KNTC1: variants seen among roughly 807,000 people sequenced by gnomAD.
KNTC1 encodes kinetochore associated 1.
KNTC1 carries 253 observed loss-of-function variants against 314.4 expected under a neutral mutation model. The ratio of observed to expected loss-of-function variants is 0.80; its 90% confidence interval spans 0.73 to 0.89. The LOEUF is 0.89. Ranked by LOEUF, KNTC1 falls within the 40% of genes least tolerant of loss-of-function variation. The probability of loss-of-function intolerance (pLI) is 0.00; values close to 1 mark genes in which losing one functional copy is unlikely to be tolerated. For missense variants in KNTC1, 2,475 were observed against 2,572.9 expected (o/e 0.96, Z 0.82); for synonymous variants, 901 against 901.4 (o/e 1.00, Z 0.01).
intron 38 of KNTC1, 66 bp downstream of exon 38, chr12:122,586,823 A>T (rs1417527417): frequency 6.1e-5 from 34 of 553,408 alleles, no homozygotes; most frequent in Admixed American, 4.0e-4. Flanking sequence ...TATTTATTTT[A>T]TTTTTTTGAG....
Position 122,614,186 on chromosome 12 carries a change from C to T in KNTC1, c.5877+425C>T, listed in dbSNP as rs528521384. Reference sequence around the variant, plus strand: ...ACTGCTCTGAGACCTTTCTACTCTCCTGTCACAGCGTGTGGATGGATAAGG... The same window carrying T: ...ACTGCTCTGAGACCTTTCTACTCTCTTGTCACAGCGTGTGGATGGATAAGG... On this transcript the variant is annotated intron_variant, in intron 55 of 63. Coordinates refer to ENST00000333479, the MANE Select transcript of KNTC1 (RefSeq NM_014708.6). Among the ~76,000 whole-genome samples the T allele has an allele frequency of 3.3e-5, 5 of 152,172 alleles. No homozygotes were observed. In the South Asian group the frequency reaches 8.3e-4, roughly 25 times the overall value.
Position 122,615,526 on chromosome 12 carries a change from G to A in KNTC1, c.6030G>A (p.Gln2010=), listed in dbSNP as rs1873676158. ...KAISSIHSLW[Q]VPYFSKAWQR... ...TCTCCAGTATCCATTCTTTATGGCA[G>A]GTATGTAGTTTTTTAAAATAAATTT... Residue 2010 remains glutamine (Q), a splice_region_variant and synonymous_variant, in exon 57 of 64, where the codon CAG becomes CAA. Transcript: ENST00000333479. The A allele has an allele frequency of 1.3e-6, 2 of 1,520,888 alleles. No individual in the cohort carries two copies. The highest frequency in any genetic ancestry group is 2.5e-5 in the South Asian group (2 of 80,500). The allele number at this position is 1,520,888 out of a possible 1,614,324, so 94.2% of individuals were successfully genotyped here. A position where few individuals can be genotyped will look rare whatever the true frequency, so the allele number is the denominator to read the frequency against.
intron 38 of KNTC1, among the ~76,000 whole-genome samples, chr12:122,587,261 A>G (rs1190105619): frequency 6.6e-6 from 1 of 152,262 alleles, no homozygotes; most frequent in African/African-American, 2.4e-5. Flanking sequence ...CCTGGGCAAC[A>G]GAAGACCCTA....
Position 122,567,096 on chromosome 12 carries a change from GAC to G in KNTC1, c.1605-1163_1605-1162del, listed in dbSNP as rs1565963996. Among the ~76,000 whole-genome samples, 6 of 150,604 alleles carry G rather than the reference GAC, an allele frequency of 4.0e-5. 1 individual carries two copies. In the South Asian group the frequency reaches 1.3e-3, roughly 32 times the overall value. The stretch of plus-strand genomic sequence containing the variant: ...AAAAAAAACTTTTTTTTTTATTTGA[GAC>G]AGTTTTGTTCTGTTGCCCAGGCTGG... On this transcript the variant is annotated intron_variant, in intron 20 of 63. Transcript: ENST00000333479.
At chr12:122,586,441 T>C (rs1869311550) in intron 37 of KNTC1, among the ~76,000 whole-genome samples, 1 of 152,264 alleles carries the variant, frequency 6.6e-6, no homozygotes, top group Non-Finnish European at 1.5e-5. Flanking sequence ...TATCAGGTTA[T>C]ACACTTACCT....
rs186456832 is a variant in KNTC1, at chr12:122,573,866, G to T, written c.2284-416G>T. Among the ~76,000 whole-genome samples the T allele has an allele frequency of 2.5e-3, 378 of 152,286 alleles. 13 individuals carry two copies. Among genetic ancestry groups the T allele is most frequent in the Admixed American group, 0.022 (337 of 15,290 alleles). ...CTTTGATAGAATGGGAGGCAAGTTT[G>T]CCCTAAGCAATTTCCAGCCTGAGTT... On this transcript the variant is annotated intron_variant, in intron 26 of 63. Transcript: ENST00000333479.
chr12:122,594,048 T>G (rs573950881), intron 42 of KNTC1: 1 of 480,768 alleles, frequency 2.1e-6, no homozygotes, highest in East Asian at 3.3e-5. Context: ...AATCAAACTT[T>G]TCAGATGAAG....
Position 122,586,717 on chromosome 12 carries a change from C to A in KNTC1, c.3690C>A (p.Pro1230=). The A allele has an allele frequency of 6.7e-7, 1 of 1,494,874 alleles. No homozygotes were observed. The highest frequency in any genetic ancestry group is 9.0e-7 in the Non-Finnish European group (1 of 1,110,838). 92.6% of individuals were successfully genotyped at this position (1,494,874 alleles called of 1,614,324 possible). A position where few individuals can be genotyped will look rare whatever the true frequency, so the allele number is the denominator to read the frequency against. ...CTTTTGTAGAAAGCAAGAGATATCC[C>A]TTGGAGTCTACCAGTTTGCCATACT... ...LVPLAESKRY[P]LESTSLPYCS... The change falls in exon 38 of 64, where the codon CCC becomes CCA. Residue 1230 remains proline, a synonymous_variant. Coordinates refer to ENST00000333479, the MANE Select transcript of KNTC1 (RefSeq NM_014708.6).
chr12:122,574,543 C>T (rs1251705846), intron 27 of KNTC1, among the ~76,000 whole-genome samples, 163 bp downstream of exon 27: 1 of 152,166 alleles, frequency 6.6e-6, no homozygotes, highest in Non-Finnish European at 1.5e-5. Context: ...TCACTGCAGC[C>T]TCAATCTCCC....
intron 5 of KNTC1, among the ~76,000 whole-genome samples, chr12:122,540,911 C>G (rs1962253727): frequency 6.6e-6 from 1 of 152,148 alleles, no homozygotes; most frequent in Non-Finnish European, 1.5e-5. Flanking sequence ...TGGCTCACAT[C>G]TGTAATTCTA....
chr12:122,608,913 G>A (rs1370484611), intron 51 of KNTC1, among the ~76,000 whole-genome samples: 1 of 151,956 alleles, frequency 6.6e-6, no homozygotes, highest in Non-Finnish European at 1.5e-5. Context: ...TAAAAAATTA[G>A]CCAGGTGCCA....
chr12:122,560,678 C>CT lies in KNTC1; in HGVS notation c.1489-1242dup, dbSNP rs1460983075. The stretch of plus-strand genomic sequence containing the variant: ...TGAGCCACCACACTGGGCCCTAATT[C>CT]TCTTTTAAATTTTTTAAGGAACTAC... On this transcript the variant is annotated intron_variant, in intron 18 of 63. Coordinates refer to ENST00000333479, the MANE Select transcript of KNTC1 (RefSeq NM_014708.6). Among the ~76,000 whole-genome samples the CT allele has an allele frequency of 2.0e-5, 3 of 152,248 alleles. No individual in the cohort carries two copies. The East Asian group carries it at 5.8e-4, about 29-fold the overall frequency.
chr12:122,605,500 T>TA (rs2138129145), intron 51 of KNTC1, 85 bp downstream of exon 51: 1 of 666,000 alleles, frequency 1.5e-6, no homozygotes, highest in East Asian at 2.7e-5. Flanking sequence ...TCCCACATGA[T>TA]ACAGCCTTCT....
At position 122,564,094 on chromosome 12, in the gene KNTC1, C is replaced by T. The variant is rs369404154; in HGVS notation, c.1604+1395C>T. ...TCAGTTTCAAGCAATTCTTGTGCCTCAGCCTCCCAAGTAACTGGGATTACA... is the reference window on the plus strand; with the variant it reads ...TCAGTTTCAAGCAATTCTTGTGCCTTAGCCTCCCAAGTAACTGGGATTACA... On this transcript the variant is annotated intron_variant, in intron 20 of 63. Transcript: ENST00000333479. 6.6e-5 allele frequency among the ~76,000 whole-genome samples: 10 copies of T among 152,324 alleles called. No homozygotes were observed. In the South Asian group the frequency reaches 1.0e-3, roughly 16 times the overall value.
Position 122,579,941 on chromosome 12 carries a change from G to T in KNTC1, c.2878G>T (p.Val960Leu). 1 of 1,610,736 alleles carries T rather than the reference G, an allele frequency of 6.2e-7. No individual in the cohort carries two copies. Among genetic ancestry groups the T allele is most frequent in the South Asian group, 1.1e-5 (1 of 90,932 alleles). ...AWRMSVAKTS[V>L]DILKILCDIQ... Reference sequence around the variant, plus strand: ...GAGAATGTCTGTAGCGAAGACATCCGTGGACATTCTTAAGATACTATGTGA... The same window carrying T: ...GAGAATGTCTGTAGCGAAGACATCCTTGGACATTCTTAAGATACTATGTGA... Residue 960 changes from valine (V) to leucine (L), a missense_variant, in exon 32 of 64, where the codon GTG becomes TTG. Transcript: ENST00000333479.
At position 122,569,675 on chromosome 12, in the gene KNTC1, A is replaced by C. The variant is rs1964567266; in HGVS notation, c.1717-6A>C. Reference sequence around the variant, plus strand: ...AGATCTTAATTTCTCGCTCCTTATAATTTAGGCAAACTTTGAAAGCAGATT... The same window carrying C: ...AGATCTTAATTTCTCGCTCCTTATACTTTAGGCAAACTTTGAAAGCAGATT... On this transcript the variant is annotated splice_region_variant and splice_polypyrimidine_tract_variant and intron_variant, in intron 21 of 63. Transcript: ENST00000333479. The C allele has an allele frequency of 3.7e-6, 6 of 1,607,250 alleles. No homozygotes were observed. The African/African-American group carries it at 8.0e-5, about 22-fold the overall frequency.
At chr12:122,546,108 T>C in intron 8 of KNTC1, 68 bp from the exon 9 acceptor site, 1 of 886,964 alleles carries the variant, frequency 1.1e-6, no homozygotes, top group Non-Finnish European at 1.9e-6. Context: ...CTTACATGTT[T>C]CTACTTTGAG....
At position 122,557,479 on chromosome 12, in the gene KNTC1, C is replaced by T. The variant is rs61752341; in HGVS notation, c.1368C>T (p.Asp456=). The T allele has an allele frequency of 1.4e-3, 2,333 of 1,613,578 alleles. 27 individuals carry two copies. In the African/African-American group the frequency reaches 0.025, roughly 17 times the overall value. ...SEQTEWQQLV[D]DAKENLHKIQ... ...AGACCGAATGGCAACAACTTGTAGA[C>T]GACGCTAAGGAAAATCTACATAAGA... Residue 456 remains aspartate (D), a synonymous_variant, in exon 17 of 64, where the codon GAC becomes GAT. Transcript: ENST00000333479.
chr12:122,605,286 C>G lies in KNTC1; in HGVS notation c.5387-20C>G. 1 of 1,476,160 alleles carries G rather than the reference C, an allele frequency of 6.8e-7. No homozygotes were observed. The highest frequency in any genetic ancestry group is 9.2e-7 in the Non-Finnish European group (1 of 1,085,694). 91.4% of individuals were successfully genotyped at this position (1,476,160 alleles called of 1,614,324 possible). On this transcript the variant is annotated intron_variant, in intron 50 of 63. Coordinates refer to ENST00000333479, the MANE Select transcript of KNTC1 (RefSeq NM_014708.6). ...TATTTAAAACTTGAGTTTTTCTTTT[C>G]TTTATTTTGAATATCTTAGATATTC...
Sources: allele counts gnomAD v4.1 joint callset (sites outside exome capture counted in the v4.1 genomes callset), GRCh38; gene constraint gnomAD v4.1.1; transcripts MANE v1.5; gene names NCBI Gene and HGNC (gene_info 2026-07-23, HGNC 2026-07-21).